RASA1: variants seen among roughly 807,000 people sequenced by gnomAD.
The protein encoded by RASA1 is RAS p21 protein activator 1, also known as ras GTPase-activating protein 1.
A neutral mutation model predicts 132.2 loss-of-function variants in RASA1; 25 were observed. The observed-to-expected ratio is 0.19, with a 90% CI of 0.14 to 0.26. The LOEUF is 0.26. Ranked by LOEUF, RASA1 falls within the 10% of genes least tolerant of loss-of-function variation. The pLI, the probability that RASA1 is intolerant of heterozygous loss-of-function variation, is 1.00. For synonymous variants in RASA1, 477 were observed against 449.9 expected (o/e 1.06, Z -0.76); for missense variants, 964 against 1,299.2 (o/e 0.74, Z 3.97).
chr5:87,324,535 C>T (rs1340185794), intron 1 of RASA1, among the ~76,000 whole-genome samples: 3 of 152,042 alleles, frequency 2.0e-5, no homozygotes, highest in East Asian at 1.9e-4. Flanking sequence ...AATGCTCTCT[C>T]GAAACTAAAA....
chr5:87,378,426 C>T lies in RASA1; in HGVS notation c.2375C>T (p.Thr792Ile). The change falls in exon 18 of 25, where the codon ACA becomes ATA. Residue 792 changes from threonine to isoleucine, a missense_variant. By Grantham distance (89) the Thr-to-Ile change is moderately conservative (BLOSUM62 -1). Transcript: ENST00000274376. ...DEATTLFRAT[T>I]LASTLMEQYM... ...GCCACTACCCTATTTCGAGCCACAA[C>T]ACTTGCAAGCACCTTGATGGAGCAG... The T allele has an allele frequency of 6.2e-7, 1 of 1,613,112 alleles. No individual in the cohort carries two copies. The highest frequency in any genetic ancestry group is 8.5e-7 in the Non-Finnish European group (1 of 1,179,172).
Position 87,268,382 on chromosome 5 carries a change from G to C in RASA1, c.-70G>C. The C allele has an allele frequency of 6.9e-7, 1 of 1,456,884 alleles. No homozygotes were observed. Among genetic ancestry groups the C allele is most frequent in the African/African-American group, 1.4e-5 (1 of 69,936 alleles). The allele number at this position is 1,456,884 out of a possible 1,614,324, so 90.2% of individuals were successfully genotyped here. ...GAGACGCGTCTGGGTGGGGCTGCTC[G>C]GAGCCCGGGCCTGGTGGCCCCTGGG... is the stretch of plus-strand genomic sequence containing the variant. On this transcript the variant is annotated 5_prime_UTR_variant, in exon 1 of 25. Coordinates refer to ENST00000274376, the MANE Select transcript of RASA1 (RefSeq NM_002890.3).
intron 5 of RASA1, among the ~76,000 whole-genome samples, chr5:87,338,533 A>ATTT (rs1491365794): frequency 1.1e-5 from 1 of 91,326 alleles, no homozygotes; most frequent in Non-Finnish European, 2.0e-5. Flanking sequence ...ATATATATAT[A>ATTT]AAATTTTTTT....
chr5:87,349,648 G>A (rs1479054705), intron 8 of RASA1, among the ~76,000 whole-genome samples: 1 of 151,822 alleles, frequency 6.6e-6, no homozygotes, highest in Non-Finnish European at 1.5e-5. Context: ...TGTGTTATCT[G>A]TAGGAGGAGC....
chr5:87,377,192 G>A (rs1472819357), intron 17 of RASA1, 152 bp downstream of exon 17: 14 of 988,922 alleles, frequency 1.4e-5, no homozygotes, highest in East Asian at 5.3e-5. Flanking sequence ...GCAGTTGGAT[G>A]TCAGTTCTGA....
chr5:87,387,584 T>C (rs1446951560), intron 23 of RASA1, among the ~76,000 whole-genome samples: 2 of 152,114 alleles, frequency 1.3e-5, no homozygotes, highest in Admixed American at 6.6e-5. Flanking sequence ...TACATGTGAA[T>C]AGAGCCAGGT....
At position 87,268,511 on chromosome 5, in the gene RASA1, A is replaced by C; in HGVS notation, c.60A>C (p.Gly20=). 1.9e-6 allele frequency: 3 copies of C among 1,574,598 alleles called. No homozygotes were observed. Among genetic ancestry groups the C allele is most frequent in the Non-Finnish European group, 2.6e-6 (3 of 1,161,234 alleles). Residue 20 remains glycine, a synonymous_variant, in exon 1 of 25, where the codon GGA becomes GGC. Coordinates refer to ENST00000274376, the MANE Select transcript of RASA1 (RefSeq NM_002890.3). ...GCCCGGTAACAGCCGGAGCTGGAGG[A>C]GGCGGCGCGGCAGCGGGCTCCAGTG... ...EGGPVTAGAG[G]GGAAAGSSAY...
intron 1 of RASA1, among the ~76,000 whole-genome samples, chr5:87,311,007 A>T (rs1189670064): frequency 2.6e-5 from 4 of 152,226 alleles, no homozygotes; most frequent in African/African-American, 9.6e-5. Context: ...ATTAAGTTGC[A>T]GTCCTTGAGT....
At chr5:87,275,815 A>G (rs1228551065) in intron 1 of RASA1, among the ~76,000 whole-genome samples, 1 of 152,024 alleles carries the variant, frequency 6.6e-6, no homozygotes, top group Non-Finnish European at 1.5e-5. Context: ...GTGATCTGCC[A>G]CCTTGGCCTC....
intron 1 of RASA1, among the ~76,000 whole-genome samples, chr5:87,276,792 A>G (rs1326802387): frequency 6.6e-6 from 1 of 152,188 alleles, no homozygotes; most frequent in African/African-American, 2.4e-5. Context: ...TGTGTTTCAA[A>G]TTGTAGTCAA....
intron 1 of RASA1, among the ~76,000 whole-genome samples, chr5:87,303,422 ATTC>A (rs1475627842): frequency 6.6e-6 from 1 of 151,574 alleles, no homozygotes; most frequent in African/African-American, 2.4e-5. Context: ...TACTTAAATA[ATTC>A]TTCTCAGTCT....
chr5:87,270,878 C>G (rs1561246548), intron 1 of RASA1, among the ~76,000 whole-genome samples: 2 of 151,976 alleles, frequency 1.3e-5, no homozygotes, highest in Non-Finnish European at 2.9e-5. Context: ...TCAAGTCTTT[C>G]GTCAGAGTTT....
At chr5:87,278,615 A>T (rs531030519) in intron 1 of RASA1, among the ~76,000 whole-genome samples, 10 of 152,310 alleles carry the variant, frequency 6.6e-5, no homozygotes, top group African/African-American at 2.4e-4. Context: ...CAGTGGTAAC[A>T]TCTTGCATAA....
Position 87,374,221 on chromosome 5 carries a change from C to A in RASA1, c.1835C>A (p.Thr612Asn). Reference protein sequence around the residue: ...EAHKLPVKHFTNPYCNIYLNS... With the variant: ...EAHKLPVKHFNNPYCNIYLNS... ...CATAAACTCCCAGTAAAACATTTTA[C>A]TAATCCATATTGTAACATCTACCTG... Residue 612 changes from threonine to asparagine, a missense_variant, in exon 14 of 25, where the codon ACT (threonine) becomes AAT (asparagine). Thr to Asn is a moderately conservative substitution (Grantham distance 65). Coordinates refer to ENST00000274376, the MANE Select transcript of RASA1 (RefSeq NM_002890.3). 6.3e-7 allele frequency: 1 copy of A among 1,584,644 alleles called. No homozygotes were observed. Among genetic ancestry groups the A allele is most frequent in the Non-Finnish European group, 8.6e-7 (1 of 1,163,192 alleles).
intron 20 of RASA1, among the ~76,000 whole-genome samples, chr5:87,381,876 A>G (rs887462769): frequency 6.6e-6 from 1 of 152,202 alleles, no homozygotes; most frequent in Non-Finnish European, 1.5e-5. Context: ...TCATAGACCT[A>G]CTATGTATAA....
intron 1 of RASA1, among the ~76,000 whole-genome samples, chr5:87,320,849 G>A (rs771808030): frequency 6.6e-6 from 1 of 152,222 alleles, no homozygotes; most frequent in Non-Finnish European, 1.5e-5. Flanking sequence ...TGACTGCATT[G>A]TGAAAAGACA....
Position 87,340,353 on chromosome 5 carries a change from A to G in RASA1, c.1018-937A>G, listed in dbSNP as rs115960472. 1.4e-3 allele frequency among the ~76,000 whole-genome samples: 215 copies of G among 151,926 alleles called. 1 individual carries two copies. The highest frequency in any genetic ancestry group is 4.9e-3 in the African/African-American group (205 of 41,464). On this transcript the variant is annotated intron_variant, in intron 5 of 24. Transcript: ENST00000274376. Reference sequence around the variant, plus strand: ...CTGTCTAAAATTAATAATTGTGTAAAACTCTTCTACAAGAGATTAACTCCT... The same window carrying G: ...CTGTCTAAAATTAATAATTGTGTAAGACTCTTCTACAAGAGATTAACTCCT...
intron 1 of RASA1, among the ~76,000 whole-genome samples, chr5:87,281,608 G>T (rs990019952): frequency 2.3e-4 from 34 of 150,992 alleles, no homozygotes; most frequent in African/African-American, 8.0e-4. Context: ...TGAGACGGAG[G>T]CTTGTTCTGT....
intron 1 of RASA1, among the ~76,000 whole-genome samples, chr5:87,273,566 CTG>C (rs924238086): frequency 1.4e-4 from 21 of 152,200 alleles, no homozygotes; most frequent in Admixed American, 1.1e-3. Flanking sequence ...AGATTTTTAA[CTG>C]TGAGTCTGCA....
Sources: gnomAD v4.1 joint callset for allele counts (sites outside exome capture counted in the v4.1 genomes callset) on GRCh38, gnomAD v4.1.1 for gene constraint, MANE v1.5 for transcripts, NCBI Gene and HGNC (gene_info 2026-07-23, HGNC 2026-07-21) for gene names.